AGAP1: variants seen among roughly 807,000 people sequenced by gnomAD.
AGAP1 encodes the protein arf-GAP with GTPase, ANK repeat and PH domain-containing protein 1.
Under a neutral mutation model 105.3 loss-of-function variants are expected in AGAP1, and 29 were observed. The ratio of observed to expected loss-of-function variants is 0.28; its 90% confidence interval spans 0.21 to 0.38. The LOEUF (loss-of-function observed/expected upper bound fraction) is 0.38, where lower values mean the gene tolerates loss of function less well. Among genes scored for constraint, AGAP1 ranks in the 10% least tolerant of loss-of-function variants. AGAP1 has a pLI of 1.00. For missense variants in AGAP1, 998 were observed against 1,165.1 expected (o/e 0.86, Z 2.09); for synonymous variants, 509 against 485.9 (o/e 1.05, Z -0.63).
chr2:236,035,588 C>T lies in AGAP1; in HGVS notation c.1646-973C>T, dbSNP rs1245296227. 6.6e-6 allele frequency among the ~76,000 whole-genome samples: 1 copy of T among 152,196 alleles called. No individual in the cohort carries two copies. The highest frequency in any genetic ancestry group is 1.5e-5 in the Non-Finnish European group (1 of 68,040). On this transcript the variant is annotated intron_variant, in intron 13 of 17. Coordinates refer to ENST00000304032, the MANE Select transcript of AGAP1 (RefSeq NM_001037131.3). The surrounding 1 kb of genome is among the most constrained non-coding windows in gnomAD (Gnocchi z 4.2). ...ATAATGAGCTGTGATTGCACCATGGCACTCCAGCTTGGACAACAAAGTGGG... is the reference window on the plus strand; with the variant it reads ...ATAATGAGCTGTGATTGCACCATGGTACTCCAGCTTGGACAACAAAGTGGG...
chr2:236,002,339 T>C lies in AGAP1; in HGVS notation c.1645+33716T>C, dbSNP rs906775611. ...TCAAAGCTCAAATATCATCCCCACC[T>C]GGACAGTCTGCAAATGACTTTCCTT... On this transcript the variant is annotated intron_variant, in intron 13 of 17. Transcript: ENST00000304032. This position sits in a 1 kb window ranked among gnomAD's most constrained non-coding sequence, Gnocchi z 4.3. Among the ~76,000 whole-genome samples the C allele has an allele frequency of 2.0e-5, 3 of 152,218 alleles. No homozygotes were observed. The highest frequency in any genetic ancestry group is 3.9e-4 in the East Asian group (2 of 5,186).
chr2:235,803,034 A>G (rs1210137960), intron 8 of AGAP1, among the ~76,000 whole-genome samples: 6 of 1,934 alleles, frequency 3.1e-3, no homozygotes, highest in Non-Finnish European at 5.2e-3. Flanking sequence ...GATGGTTGTG[A>G]TGGTGATGAT....
In AGAP1 at chr2:235,625,529, A is replaced by G. The variant is rs187029861; in HGVS notation, c.164-83650A>G. Among the ~76,000 whole-genome samples, 5 of 152,296 alleles carry G rather than the reference A, an allele frequency of 3.3e-5. No homozygotes were observed. The highest frequency in any genetic ancestry group is 2.6e-4 in the Admixed American group (4 of 15,302). ...TTGCATGTGTCTTTTTACCAACCCA[A>G]TGAGATTGCTGATTTTGCAAGTACA... On this transcript the variant is annotated intron_variant, in intron 1 of 17. Coordinates refer to ENST00000304032, the MANE Select transcript of AGAP1 (RefSeq NM_001037131.3). The surrounding 1 kb of genome is among the most constrained non-coding windows in gnomAD (Gnocchi z 4.0).
chr2:235,516,002 G>A lies in AGAP1; in HGVS notation c.163+21153G>A, dbSNP rs1190321378. On this transcript the variant is annotated intron_variant, in intron 1 of 17. Transcript: ENST00000304032. Reference sequence around the variant, plus strand: ...AGTCCTCCGAGTATCGTGACAGGTGGCTGGGTGCCTCAGTGCTCAGGTATG... The same window carrying A: ...AGTCCTCCGAGTATCGTGACAGGTGACTGGGTGCCTCAGTGCTCAGGTATG... 5.9e-5 allele frequency among the ~76,000 whole-genome samples: 9 copies of A among 152,072 alleles called. No individual in the cohort carries two copies. In the South Asian group the frequency reaches 1.9e-3, roughly 32 times the overall value.
rs1012852117 is a variant in AGAP1 at position 235,741,989 on chromosome 2, G to C, written c.396+941G>C. On this transcript the variant is annotated intron_variant, in intron 4 of 17. Transcript: ENST00000304032. This position sits in a 1 kb window ranked among gnomAD's most constrained non-coding sequence, Gnocchi z 4.9. ...AGGATGGTCTCGATCTCCTGACCTCGTGATCCACTCACCTCGGCCTCCCAA... is the reference window on the plus strand; with the variant it reads ...AGGATGGTCTCGATCTCCTGACCTCCTGATCCACTCACCTCGGCCTCCCAA... 2.6e-5 allele frequency among the ~76,000 whole-genome samples: 4 copies of C among 152,028 alleles called. No homozygotes were observed. Among genetic ancestry groups the C allele is most frequent in the Non-Finnish European group, 5.9e-5 (4 of 68,002 alleles).
chr2:235,704,167 A>G (rs1950407326), intron 1 of AGAP1, among the ~76,000 whole-genome samples: 1 of 152,174 alleles, frequency 6.6e-6, no homozygotes, highest in Non-Finnish European at 1.5e-5. Context: ...GGGCTGCGTT[A>G]TGGGGTAGGA....
At chr2:235,933,742 G>A (rs561050332) in intron 12 of AGAP1, among the ~76,000 whole-genome samples, 2 of 151,954 alleles carry the variant, frequency 1.3e-5, no homozygotes, top group East Asian at 3.9e-4. Context: ...CATGTTGGCC[G>A]GGATGGTCTC....
At chr2:236,047,854 G>A (rs1045667170) in intron 15 of AGAP1, among the ~76,000 whole-genome samples, 5 of 151,508 alleles carry the variant, frequency 3.3e-5, no homozygotes, top group Non-Finnish European at 7.4e-5. Flanking sequence ...CTCCCATCTC[G>A]GCCTCCCAAA....
chr2:235,707,616 C>T (rs1316634752), intron 1 of AGAP1, among the ~76,000 whole-genome samples: 1 of 129,764 alleles, frequency 7.7e-6, no homozygotes, highest in East Asian at 2.3e-4. Context: ...CGGCGTGTGA[C>T]TTGGTGGGAC....
rs1486136532 is a variant in AGAP1 at position 235,908,723 on chromosome 2, TAACA to T, written c.1156-14_1156-11del. Reference sequence around the variant, plus strand: ...TTTTTTTTTATCTCTCTTGGATGTTTAACATTTTCAACAGGATTACATGCAGAAT... The same window carrying T: ...TTTTTTTTTATCTCTCTTGGATGTTTTTTTCAACAGGATTACATGCAGAAT... On this transcript the variant is annotated splice_polypyrimidine_tract_variant and intron_variant, in intron 10 of 17. Transcript: ENST00000304032. The surrounding 1 kb of genome is among the most constrained non-coding windows in gnomAD (Gnocchi z 4.4). The T allele has an allele frequency of 6.3e-7, 1 of 1,582,514 alleles. No homozygotes were observed. The highest frequency in any genetic ancestry group is 8.6e-7 in the Non-Finnish European group (1 of 1,164,184).
intron 9 of AGAP1, among the ~76,000 whole-genome samples, chr2:235,857,389 C>T (rs986284722): frequency 1.3e-5 from 2 of 152,082 alleles, no homozygotes; most frequent in Non-Finnish European, 2.9e-5. Flanking sequence ...TCCCTGGTGC[C>T]AAAAAGGTTG....
In AGAP1 at chr2:235,855,420, A is replaced by C. The variant is rs1276580863; in HGVS notation, c.1051-27925A>C. On this transcript the variant is annotated intron_variant, in intron 9 of 17. Coordinates refer to ENST00000304032, the MANE Select transcript of AGAP1 (RefSeq NM_001037131.3). This position sits in a 1 kb window ranked among gnomAD's most constrained non-coding sequence, Gnocchi z 5.0. ...TACTACATTTAAAGATAATTGCTAA[A>C]GTTTCTTTAGATGTCCTTATTCATT... is the stretch of plus-strand genomic sequence containing the variant. Among the ~76,000 whole-genome samples, 1 of 152,222 alleles carries C rather than the reference A, an allele frequency of 6.6e-6. No individual in the cohort carries two copies. Among genetic ancestry groups the C allele is most frequent in the Non-Finnish European group, 1.5e-5 (1 of 68,030 alleles).
Position 235,927,980 on chromosome 2 carries a change from T to G in AGAP1, c.1325-2785T>G, listed in dbSNP as rs1475896264. On this transcript the variant is annotated intron_variant, in intron 11 of 17. Coordinates refer to ENST00000304032, the MANE Select transcript of AGAP1 (RefSeq NM_001037131.3). The surrounding 1 kb of genome is among the most constrained non-coding windows in gnomAD (Gnocchi z 4.4). The stretch of plus-strand genomic sequence containing the variant: ...ACTTGACAGGGGTCTGATTGGGCAT[T>G]GCAGTGTGGAAGGAATTACCTCCTT... Among the ~76,000 whole-genome samples the G allele has an allele frequency of 3.9e-5, 6 of 152,178 alleles. No individual in the cohort carries two copies. The highest frequency in any genetic ancestry group is 8.8e-5 in the Non-Finnish European group (6 of 68,030).
rs1380489762 is a variant in AGAP1 at position 235,517,485 on chromosome 2, A to G, written c.163+22636A>G. Among the ~76,000 whole-genome samples, 1 of 152,304 alleles carries G rather than the reference A, an allele frequency of 6.6e-6. No homozygotes were observed. The highest frequency in any genetic ancestry group is 1.9e-4 in the East Asian group (1 of 5,188). On this transcript the variant is annotated intron_variant, in intron 1 of 17. Coordinates refer to ENST00000304032, the MANE Select transcript of AGAP1 (RefSeq NM_001037131.3). The surrounding 1 kb of genome is among the most constrained non-coding windows in gnomAD (Gnocchi z 4.1). Reference sequence around the variant, plus strand: ...AGATCTTTATGGTAATTTTATTTTAATTGAGGTCGCAGGGACTAATTTTTA... The same window carrying G: ...AGATCTTTATGGTAATTTTATTTTAGTTGAGGTCGCAGGGACTAATTTTTA...
chr2:235,952,460 C>T (rs78551463), intron 12 of AGAP1, among the ~76,000 whole-genome samples: 3,113 of 152,210 alleles, frequency 0.02, 121 homozygotes, highest in African/African-American at 0.071. Context: ...TATCCAGGTA[C>T]CAGATAGGTG....
At chr2:235,839,919 C>T (rs77324703) in intron 9 of AGAP1, among the ~76,000 whole-genome samples, 314 of 152,236 alleles carry the variant, frequency 2.1e-3, no homozygotes, top group South Asian at 6.4e-3. Flanking sequence ...TAAAGAATTA[C>T]GAACTTCTGT....
At position 235,838,203 on chromosome 2, in the gene AGAP1, A is replaced by G. The variant is rs1475518893; in HGVS notation, c.1050+30872A>G. On this transcript the variant is annotated intron_variant, in intron 9 of 17. Transcript: ENST00000304032. ...TGTGTCCCCCCACCCCCCCAAAAAA[A>G]GAAAAGAGGGAATGCCAGGGTTACT... 2.0e-5 allele frequency among the ~76,000 whole-genome samples: 3 copies of G among 150,540 alleles called. No individual in the cohort carries two copies. The East Asian group carries it at 6.1e-4, about 31-fold the overall frequency.
chr2:235,968,653 G>C (rs1559707353), intron 13 of AGAP1, 30 bp downstream of exon 13: 3 of 1,584,186 alleles, frequency 1.9e-6, no homozygotes, highest in Non-Finnish European at 2.6e-6. Context: ...CCGGGAGAGA[G>C]TCTCCACTGC....
chr2:236,072,778 A>C (rs2058537078), intron 16 of AGAP1, among the ~76,000 whole-genome samples: 1 of 151,796 alleles, frequency 6.6e-6, no homozygotes, highest in Non-Finnish European at 1.5e-5. Flanking sequence ...GTCTTTTCTT[A>C]CATTTTCCCC....
Sources: allele counts gnomAD v4.1 joint callset (sites outside exome capture counted in the v4.1 genomes callset), GRCh38; gene constraint gnomAD v4.1.1; non-coding constraint Gnocchi (gnomAD v3.1); transcripts MANE v1.5; gene names NCBI Gene and HGNC (gene_info 2026-07-23, HGNC 2026-07-21).